Variants in DCT observed in about 807,000 individuals in gnomAD.
DCT encodes the protein dopachrome tautomerase, also known as L-dopachrome tautomerase.
A neutral mutation model predicts 53.0 loss-of-function variants in DCT; 47 were observed. The ratio of observed to expected loss-of-function variants is 0.89; its 90% CI spans 0.70 to 1.13. The LOEUF is 1.13. Among genes scored for constraint, DCT ranks in the 50% most tolerant of loss-of-function variants. The pLI is 0.00. For synonymous variants in DCT, 244 were observed against 237.0 expected, an observed-to-expected ratio of 1.03 and a Z score of -0.27; for missense variants, 669 against 637.4, an observed-to-expected ratio of 1.05 and a Z score of -0.53.
At position 94,468,997 on chromosome 13, in the gene DCT, C is replaced by G; in HGVS notation, c.344G>C (p.Gly115Ala). 9.3e-6 allele frequency: 15 copies of G among 1,614,134 alleles called. No individual in the cohort carries two copies. The highest frequency in any genetic ancestry group is 1.3e-5 in the Non-Finnish European group (15 of 1,179,990). The change falls in exon 2 of 8, where the codon GGT (glycine) becomes GCT (alanine). Residue 115 changes from glycine to alanine, a missense_variant. Coordinates refer to ENST00000377028, the MANE Select transcript of DCT (RefSeq NM_001922.5). ...NCGDCKFGWT[G>A]PNCERKKPPV... ...TGGTTTCTTCCGCTCGCAGTTGGGA[C>G]CGGTCCAGCCAAACTTGCAGTCTCC...
intron 4 of DCT, among the ~76,000 whole-genome samples, chr13:94,463,671 T>A (rs1883971265): frequency 6.6e-6 from 1 of 152,172 alleles, no homozygotes; most frequent in Non-Finnish European, 1.5e-5. Context: ...CCTCAAGTGA[T>A]CCCCCTGCCT....
intron 1 of DCT, among the ~76,000 whole-genome samples, chr13:94,470,621 C>T (rs912174468): frequency 2.6e-5 from 4 of 152,064 alleles, no homozygotes; most frequent in Middle Eastern, 3.4e-3. Flanking sequence ...TCACTTACTC[C>T]TCCTCCTCTA....
chr13:94,456,847 T>C (rs552734641), intron 6 of DCT, among the ~76,000 whole-genome samples: 101 of 152,346 alleles, frequency 6.6e-4, no homozygotes, highest in Admixed American at 2.5e-3. Context: ...AACAAACTTC[T>C]GGCTGGGTGC....
chr13:94,459,769 T>G (rs770900471), intron 6 of DCT, among the ~76,000 whole-genome samples: 1 of 152,226 alleles, frequency 6.6e-6, no homozygotes, highest in South Asian at 2.1e-4. Flanking sequence ...AGGTGGTTTG[T>G]GTGGACTACT....
the DCT span, among the ~76,000 whole-genome samples, chr13:94,485,027 G>A: frequency 6.1e-5 from 9 of 146,576 alleles, no homozygotes; most frequent in South Asian, 1.3e-3. Context: ...TATTGTCTTC[G>A]TAACCCAATT....
At chr13:94,512,719 TATAC>T in the DCT span, among the ~76,000 whole-genome samples, 21 of 116,562 alleles carry the variant, frequency 1.8e-4, no homozygotes, top group Admixed American at 7.2e-4. Flanking sequence ...TATATATATA[TATAC>T]ACACACACAC....
intron 4 of DCT, among the ~76,000 whole-genome samples, chr13:94,462,492 C>A (rs2139330500): frequency 6.7e-6 from 1 of 150,340 alleles, no homozygotes; most frequent in African/African-American, 2.5e-5. Flanking sequence ...AGAGTGAGAC[C>A]CTGTCTCAAG....
chr13:94,507,731 A>G, the DCT span, among the ~76,000 whole-genome samples: 2 of 152,100 alleles, frequency 1.3e-5, no homozygotes, highest in East Asian at 3.9e-4. Flanking sequence ...CGATCTCCTG[A>G]CCTCGTGATC....
intron 6 of DCT, among the ~76,000 whole-genome samples, chr13:94,446,325 T>C (rs1372150746): frequency 6.6e-6 from 1 of 152,174 alleles, no homozygotes; most frequent in Admixed American, 6.5e-5. Context: ...TATTTTAACT[T>C]GGGACAAGGA....
intron 6 of DCT, among the ~76,000 whole-genome samples, chr13:94,447,493 A>G (rs1289329246): frequency 6.6e-6 from 1 of 152,212 alleles, no homozygotes; most frequent in Non-Finnish European, 1.5e-5. Context: ...CCCAGTTCCT[A>G]AGAGGCCACA....
rs1374024071 is a variant in DCT, at chr13:94,460,234, A to T, written c.1044-8T>A. 1 of 1,612,478 alleles carries T rather than the reference A, an allele frequency of 6.2e-7. No homozygotes were observed. The highest frequency in any genetic ancestry group is 1.7e-4 in the Middle Eastern group (1 of 6,060). ...AACCCTTCCAAAGCATTCCTAGGAG[A>T]AACAAGTATATCAGTGACAACAGAC... On this transcript the variant is annotated splice_region_variant and splice_polypyrimidine_tract_variant and intron_variant, in intron 5 of 7. Coordinates refer to ENST00000377028, the MANE Select transcript of DCT (RefSeq NM_001922.5).
chr13:94,533,175 A>C, the DCT span, among the ~76,000 whole-genome samples: 1 of 151,176 alleles, frequency 6.6e-6, no homozygotes, highest in Non-Finnish European at 1.5e-5. Flanking sequence ...CAGGGAGAAC[A>C]CCGTGGTTGA....
intron 1 of DCT, among the ~76,000 whole-genome samples, chr13:94,475,714 C>T (rs1566860676): frequency 6.6e-6 from 1 of 152,114 alleles, no homozygotes; most frequent in African/African-American, 2.4e-5. Context: ...CAAAGAACCA[C>T]GAGGAACCTT....
the DCT span, among the ~76,000 whole-genome samples, chr13:94,487,934 C>T: frequency 1.3e-5 from 2 of 151,510 alleles, no homozygotes; most frequent in Non-Finnish European, 2.9e-5. Flanking sequence ...AGAAATGGGA[C>T]GTGTGGTCTG....
intron 7 of DCT, among the ~76,000 whole-genome samples, chr13:94,441,659 G>A (rs1017033365): frequency 6.6e-6 from 1 of 152,158 alleles, no homozygotes. Flanking sequence ...CATCCATGTT[G>A]TGGCATGTAT....
At chr13:94,490,529 A>AAAAAAAAAAAAAAAAAAAC in the DCT span, among the ~76,000 whole-genome samples, 1 of 148,714 alleles carries the variant, frequency 6.7e-6, no homozygotes, top group Non-Finnish European at 1.5e-5. Context: ...AAAAAAAAAA[A>AAAAAAAAAAAAAAAAAAAC]AACAACTAAC....
At chr13:94,449,231 A>G (rs925286638) in intron 6 of DCT, among the ~76,000 whole-genome samples, 1 of 152,216 alleles carries the variant, frequency 6.6e-6, no homozygotes, top group African/African-American at 2.4e-5. Flanking sequence ...AGGCATAAAG[A>G]AAATAAAATA....
chr13:94,472,545 TATATATATATATATATATATATA>T (rs1332564564), intron 1 of DCT, among the ~76,000 whole-genome samples: 898 of 30,574 alleles, frequency 0.029, 29 homozygotes, highest in South Asian at 0.081. Flanking sequence ...TATATATATA[TATATATATATATATATATATATA>T]TTTTTTTTTT....
At chr13:94,454,794 T>C (rs998176326) in intron 6 of DCT, among the ~76,000 whole-genome samples, 1 of 152,228 alleles carries the variant, frequency 6.6e-6, no homozygotes, top group Admixed American at 6.5e-5. Flanking sequence ...CATTTAAGGC[T>C]GAATTGGCTT....
Sources: allele counts gnomAD v4.1 joint callset (sites outside exome capture counted in the v4.1 genomes callset), GRCh38; gene constraint gnomAD v4.1.1; transcripts MANE v1.5; gene names NCBI Gene and HGNC (gene_info 2026-07-23, HGNC 2026-07-21).